USP8: variants seen among roughly 807,000 people sequenced by gnomAD.
The protein encoded by USP8 is ubiquitin specific peptidase 8.
Under a neutral mutation model 130.0 loss-of-function variants are expected in USP8, and 27 were observed. That is an observed-to-expected ratio of 0.21 (90% CI 0.15 to 0.29). The LOEUF is 0.29. USP8 is among the 10% of genes least tolerant of loss of function. USP8 has a pLI of 1.00. For missense variants in USP8, 1,029 were observed against 1,312.2 expected, an observed-to-expected ratio of 0.78 and a Z score of 3.33; for synonymous variants, 392 against 444.1, an observed-to-expected ratio of 0.88 and a Z score of 1.48.
At position 50,498,944 on chromosome 15, in the gene USP8, T is replaced by C; in HGVS notation, c.3213T>C (p.Tyr1071=). The change falls in exon 20 of 20, where the codon TAT becomes TAC. Residue 1071 remains tyrosine, a synonymous_variant. Transcript: ENST00000307179. ...GGLDGGHYTA[Y]CKNAARQRWF... ...TGGATGGAGGCCACTACACAGCCTATTGTAAAAATGCAGCAAGACAACGGT... is the reference window on the plus strand; with the variant it reads ...TGGATGGAGGCCACTACACAGCCTACTGTAAAAATGCAGCAAGACAACGGT... 6.2e-7 allele frequency: 1 copy of C among 1,613,958 alleles called. No homozygotes were observed. Among genetic ancestry groups the C allele is most frequent in the Non-Finnish European group, 8.5e-7 (1 of 1,179,874 alleles).
intron 15 of USP8, chr15:50,493,749 A>G (rs2052266872): frequency 4.9e-6 from 2 of 411,716 alleles, no homozygotes; most frequent in Non-Finnish European, 9.2e-6. Context: ...CCCTATCTCA[A>G]AAAAGAGTAA....
chr15:50,434,568 TA>T (rs908227074), intron 1 of USP8, among the ~76,000 whole-genome samples: 2 of 152,132 alleles, frequency 1.3e-5, no homozygotes, highest in East Asian at 1.9e-4. Flanking sequence ...TATACTTAGT[TA>T]TTTTTTTTTT....
intron 10 of USP8, among the ~76,000 whole-genome samples, chr15:50,478,671 T>C (rs17645209): frequency 0.25 from 37,968 of 152,104 alleles, 4,988 homozygotes; most frequent in East Asian, 0.44. Context: ...TTCAACTTAA[T>C]CTATTTAAAC....
chr15:50,425,960 A>G (rs945292381), intron 1 of USP8, among the ~76,000 whole-genome samples: 2 of 152,104 alleles, frequency 1.3e-5, no homozygotes, highest in Admixed American at 1.3e-4. Context: ...GGTCTCTACT[A>G]AAAATACAAA....
At chr15:50,465,359 G>A (rs1271110000) in intron 7 of USP8, among the ~76,000 whole-genome samples, 168 bp downstream of exon 7, 1 of 151,958 alleles carries the variant, frequency 6.6e-6, no homozygotes, top group Admixed American at 6.6e-5. Context: ...GGGGAGGGGA[G>A]GGGGAGGTAC....
In USP8 at chr15:50,505,369, G is replaced by A. The variant is rs948665866; in HGVS notation, c.*6281G>A. ...AGCCATAGAAATCAGAGACAATACA[G>A]TAGCTTCAAAATAATAGAGAAAAAT... On this transcript the variant is annotated 3_prime_UTR_variant, in exon 20 of 20. Transcript: ENST00000307179. The A allele has an allele frequency of 6.6e-6, 1 of 152,136 alleles. No individual in the cohort carries two copies. Among genetic ancestry groups the A allele is most frequent in the Non-Finnish European group, 1.5e-5 (1 of 68,024 alleles). The allele number at this position is 152,136 out of a possible 1,614,324, so 9.4% of individuals were successfully genotyped here. A position where few individuals can be genotyped will look rare whatever the true frequency, so the allele number is the denominator to read the frequency against.
chr15:50,446,611 A>G (rs1372012519), intron 3 of USP8, among the ~76,000 whole-genome samples: 1 of 152,190 alleles, frequency 6.6e-6, no homozygotes, highest in African/African-American at 2.4e-5. Flanking sequence ...GCTAACTGAA[A>G]TTATTGTAAT....
intron 7 of USP8, among the ~76,000 whole-genome samples, chr15:50,469,359 T>C (rs1204949259): frequency 3.3e-5 from 5 of 152,146 alleles, no homozygotes; most frequent in African/African-American, 9.7e-5. Flanking sequence ...AGATGGTACA[T>C]AAAAGACAGA....
intron 12 of USP8, 66 bp downstream of exon 12, chr15:50,484,427 A>T: frequency 8.1e-7 from 1 of 1,230,574 alleles, no homozygotes; most frequent in South Asian, 1.3e-5. Flanking sequence ...CTATGTGATT[A>T]TCTTACCACA....
intron 17 of USP8, chr15:50,496,751 C>T (rs879601114): frequency 1.6e-4 from 28 of 177,526 alleles, no homozygotes; most frequent in Middle Eastern, 2.1e-3. Flanking sequence ...TTCCATGTAT[C>T]AACAATGTTT....
At chr15:50,463,980 G>C (rs1014375273) in intron 6 of USP8, among the ~76,000 whole-genome samples, 2 of 152,102 alleles carry the variant, frequency 1.3e-5, no homozygotes. Context: ...AGCCTTCTTA[G>C]AAAACAAAAT....
intron 11 of USP8, among the ~76,000 whole-genome samples, chr15:50,482,939 T>C (rs188367462): frequency 4.6e-5 from 7 of 152,332 alleles, no homozygotes; most frequent in Admixed American, 2.0e-4. Context: ...GGAACACTTA[T>C]CTGGTAACCT....
chr15:50,475,278 A>G (rs2051525266), intron 8 of USP8, among the ~76,000 whole-genome samples: 1 of 152,236 alleles, frequency 6.6e-6, no homozygotes, highest in Non-Finnish European at 1.5e-5. Flanking sequence ...AAAGGATACA[A>G]TTATTAAATA....
intron 3 of USP8, among the ~76,000 whole-genome samples, 154 bp downstream of exon 3, chr15:50,441,647 GTTA>G (rs2050264360): frequency 6.6e-6 from 1 of 152,120 alleles, no homozygotes. Context: ...AAGATACAGT[GTTA>G]TTATTTACAA....
At chr15:50,433,772 A>AT (rs35216502) in intron 1 of USP8, among the ~76,000 whole-genome samples, 1 of 151,690 alleles carries the variant, frequency 6.6e-6, no homozygotes, top group Non-Finnish European at 1.5e-5. Flanking sequence ...TGCCCGGCTA[A>AT]TTTTTTGTCT....
At chr15:50,449,081 A>G (rs1185469216) in intron 3 of USP8, among the ~76,000 whole-genome samples, 1 of 152,230 alleles carries the variant, frequency 6.6e-6, no homozygotes, top group Non-Finnish European at 1.5e-5. Context: ...AAGAAAATAT[A>G]CTTTATTCTT....
At chr15:50,455,323 C>T (rs2050756685) in intron 4 of USP8, among the ~76,000 whole-genome samples, 1 of 151,348 alleles carries the variant, frequency 6.6e-6, no homozygotes, top group Non-Finnish European at 1.5e-5. Flanking sequence ...AGCAGTCCTC[C>T]TACCAGGGCC....
intron 1 of USP8, among the ~76,000 whole-genome samples, chr15:50,430,039 A>G (rs181814094): frequency 1.3e-5 from 2 of 152,372 alleles, no homozygotes; most frequent in East Asian, 3.9e-4. Context: ...CCTATATCAC[A>G]GCATTAAGCC....
chr15:50,429,149 G>A lies in USP8; in HGVS notation c.-66+4635G>A, dbSNP rs1286800455. The stretch of plus-strand genomic sequence containing the variant: ...GCAAGTAGCTGAAACCATGGAAAGC[G>A]AAACCATGGATAAGGGGGGACTACT... On this transcript the variant is annotated intron_variant, in intron 1 of 19. Transcript: ENST00000307179. Among the ~76,000 whole-genome samples, 3 of 152,122 alleles carry A rather than the reference G, an allele frequency of 2.0e-5. No individual in the cohort carries two copies. The South Asian group carries it at 6.2e-4, about 31-fold the overall frequency.
Sources: allele counts gnomAD v4.1 joint callset (sites outside exome capture counted in the v4.1 genomes callset), GRCh38; gene constraint gnomAD v4.1.1; transcripts MANE v1.5; gene names NCBI Gene and HGNC (gene_info 2026-07-23, HGNC 2026-07-21).